The following RNF123 variants were observed in gnomAD, a reference collection of about 807,000 sequenced individuals.
RNF123 encodes E3 ubiquitin-protein ligase RNF123.
In RNF123, 86 loss-of-function variants were observed where a neutral mutation model predicts 168.5. That is an observed-to-expected ratio of 0.51 (90% CI 0.43 to 0.61). RNF123 has a LOEUF of 0.61. Ranked by LOEUF, RNF123 falls within the 20% of genes least tolerant of loss-of-function variation. The pLI, the probability that RNF123 is intolerant of heterozygous loss-of-function variation, is 0.00. For missense variants in RNF123, 1,419 were observed against 1,729.7 expected (o/e 0.82, Z 3.19); for synonymous variants, 666 against 689.1 (o/e 0.97, Z 0.52).
chr3:49,715,042 G>A (rs1406872804), intron 31 of RNF123, among the ~76,000 whole-genome samples: 1 of 152,242 alleles, frequency 6.6e-6, no homozygotes, highest in Non-Finnish European at 1.5e-5. Flanking sequence ...GGGGAGGTGC[G>A]CCAGGCCCGT....
At chr3:49,719,719 C>T in intron 35 of RNF123, 1 of 442,114 alleles carries the variant, frequency 2.3e-6, no homozygotes, top group Admixed American at 4.0e-5. Flanking sequence ...AAATACTCCC[C>T]CCAGGGGCGG....
intron 26 of RNF123, among the ~76,000 whole-genome samples, chr3:49,707,830 A>G (rs887694268): frequency 6.6e-6 from 1 of 151,762 alleles, no homozygotes; most frequent in Non-Finnish European, 1.5e-5. Flanking sequence ...CTGCCCTGAG[A>G]TTTCCTGCCT....
At chr3:49,702,181 G>T in intron 18 of RNF123, 37 bp downstream of exon 18, 2 of 1,609,028 alleles carry the variant, frequency 1.2e-6, no homozygotes, top group Middle Eastern at 1.7e-4. Flanking sequence ...GGGGCCCTGT[G>T]GGGAGGGATG....
Position 49,699,025 on chromosome 3 carries a change from C to T in RNF123, c.684C>T (p.Gly228=), listed in dbSNP as rs138420075. The part of the protein sequence containing the change: ...LGTAFENLSR[G]LGMAYFPAIS... ...CTGCCTTTGAGAACCTGTCCAGGGG[C>T]CTGGGTATGGCCTACTTCCCAGCCA... is the stretch of plus-strand genomic sequence containing the variant. Residue 228 remains glycine, a synonymous_variant, in exon 10 of 39, where the codon GGC becomes GGT. Transcript: ENST00000327697. This position sits in a 1 kb window ranked among gnomAD's most constrained non-coding sequence, Gnocchi z 4.8. 2.2e-4 allele frequency: 361 copies of T among 1,613,900 alleles called. No homozygotes were observed. Among genetic ancestry groups the T allele is most frequent in the Non-Finnish European group, 2.6e-4 (303 of 1,180,052 alleles).
At chr3:49,696,410 A>G (rs2329019) in intron 3 of RNF123, among the ~76,000 whole-genome samples, 150,191 of 150,660 alleles carry the variant, frequency 1, 74,861 homozygotes, top group Non-Finnish European at 1. Flanking sequence ...GTGCAGTGGC[A>G]CGATCATGGC....
intron 35 of RNF123, chr3:49,719,814 G>GC: frequency 3.9e-6 from 1 of 253,608 alleles, no homozygotes; most frequent in Non-Finnish European, 8.1e-6. Context: ...ACCGCCAGAT[G>GC]GGGAGCAAGG....
chr3:49,691,895 A>G (rs957909178), intron 3 of RNF123, among the ~76,000 whole-genome samples: 1 of 152,228 alleles, frequency 6.6e-6, no homozygotes, highest in South Asian at 2.1e-4. Context: ...CCTTTTCTTT[A>G]CAAGTTTAAT....
At chr3:49,712,949 G>A (rs2080172433) in intron 27 of RNF123, 2 of 702,806 alleles carry the variant, frequency 2.8e-6, no homozygotes, top group Non-Finnish European at 5.2e-6. Flanking sequence ...CAACTGCCAT[G>A]GTCCAGGAGC....
At chr3:49,705,824 T>C in intron 24 of RNF123, 145 bp downstream of exon 24, 1 of 1,448,350 alleles carries the variant, frequency 6.9e-7, no homozygotes, top group Non-Finnish European at 9.5e-7. Flanking sequence ...TGGTTTCTGC[T>C]CCTGCTGCCT....
chr3:49,693,837 A>G (rs1477387174), intron 3 of RNF123, among the ~76,000 whole-genome samples: 1 of 152,150 alleles, frequency 6.6e-6, no homozygotes, highest in African/African-American at 2.4e-5. Flanking sequence ...TTTGATTTGC[A>G]TTTCTCTGAT....
intron 35 of RNF123, chr3:49,719,495 A>C: frequency 2.6e-6 from 4 of 1,544,124 alleles, no homozygotes; most frequent in Non-Finnish European, 3.5e-6. Context: ...AGTACAGAGC[A>C]GCTCTGTGCA....
At position 49,691,531 on chromosome 3, in the gene RNF123, C is replaced by T. The variant is rs370723406; in HGVS notation, c.167+22C>T. On this transcript the variant is annotated intron_variant, in intron 3 of 38. Coordinates refer to ENST00000327697, the MANE Select transcript of RNF123 (RefSeq NM_022064.5). ...GCAGGTATGGCTGGGTGGGTGGCCC[C>T]TCCTCACTCTGCTGGGCCAGACCAG... The T allele has an allele frequency of 2.5e-6, 4 of 1,597,462 alleles. No homozygotes were observed. In the African/African-American group the frequency reaches 4.0e-5, roughly 16 times the overall value.
chr3:49,713,793 C>A lies in RNF123; in HGVS notation c.2805C>A (p.Ser935=). The A allele has an allele frequency of 6.2e-7, 1 of 1,612,422 alleles. No individual in the cohort carries two copies. The highest frequency in any genetic ancestry group is 8.5e-7 in the Non-Finnish European group (1 of 1,179,510). The change falls in exon 29 of 39, where the codon TCC becomes TCA. Residue 935 remains serine, a synonymous_variant. Transcript: ENST00000327697. ...ALASYVCYPH[S]LRAVERIPEE... ...CCAGCTACGTGTGCTACCCACACTC[C>A]CTGCGGGCTGTGGAGCGAATCCCCG...
At chr3:49,694,197 G>A (rs1399815763) in intron 3 of RNF123, among the ~76,000 whole-genome samples, 3 of 152,068 alleles carry the variant, frequency 2.0e-5, no homozygotes, top group South Asian at 2.1e-4. Context: ...TTCTTAAAAC[G>A]TTTTTATTGA....
At chr3:49,714,543 G>A (rs1355220093) in intron 31 of RNF123, among the ~76,000 whole-genome samples, 1 of 152,238 alleles carries the variant, frequency 6.6e-6, no homozygotes, top group Admixed American at 6.5e-5. Context: ...CCTTGTCCCA[G>A]CACCATGTCC....
At chr3:49,720,317 G>GAAAAA (rs370438853) in intron 35 of RNF123, 194 bp from the exon 36 acceptor site, 11 of 345,324 alleles carry the variant, frequency 3.2e-5, no homozygotes, top group Admixed American at 5.4e-5. Context: ...CTCGTCTCAA[G>GAAAAA]AAAAAAAAAA....
At position 49,703,428 on chromosome 3, in the gene RNF123, G is replaced by C; in HGVS notation, c.1752G>C (p.Glu584Asp). The C allele has an allele frequency of 2.5e-6, 4 of 1,613,806 alleles. No individual in the cohort carries two copies. Among genetic ancestry groups the C allele is most frequent in the Non-Finnish European group, 3.4e-6 (4 of 1,179,802 alleles). The change falls in exon 21 of 39, where the codon GAG becomes GAC. Residue 584 changes from glutamate to aspartate, a missense_variant and splice_region_variant. Physicochemically the swap from Glu to Asp is conservative, Grantham distance 45. Around this residue, in one of 5 missense-constraint regions of RNF123, gnomAD observed 349 missense variants for 344.9 expected, o/e 1.01. Coordinates refer to ENST00000327697, the MANE Select transcript of RNF123 (RefSeq NM_022064.5). ...CCTAGCCTCCTCAATTCCTCGCAGAGGCCTACATCCCGCCCCAGGTCTTCT... is the reference window on the plus strand; with the variant it reads ...CCTAGCCTCCTCAATTCCTCGCAGACGCCTACATCCCGCCCCAGGTCTTCT... ...ASNPHASFSE[E>D]AYIPPQVFYN... is the part of the protein sequence containing the mutation.
intron 21 of RNF123, among the ~76,000 whole-genome samples, 194 bp from the exon 22 acceptor site, chr3:49,704,456 G>C (rs917609156): frequency 1.3e-5 from 2 of 152,176 alleles, no homozygotes; most frequent in Admixed American, 6.5e-5. Context: ...CTGAGTGGCA[G>C]CTAGACGGGG....
intron 35 of RNF123, chr3:49,718,680 G>A: frequency 6.2e-7 from 1 of 1,613,026 alleles, no homozygotes; most frequent in Non-Finnish European, 8.5e-7. Context: ...GCTGGAAGAA[G>A]CGCACGCGGG....
Sources: allele counts gnomAD v4.1 joint callset (sites outside exome capture counted in the v4.1 genomes callset), GRCh38; gene constraint gnomAD v4.1.1; regional missense constraint gnomAD v4.1.1; non-coding constraint Gnocchi (gnomAD v3.1); transcripts MANE v1.5; gene names NCBI Gene and HGNC (gene_info 2026-07-23, HGNC 2026-07-21).